Variants in BPIFB3 observed in about 807,000 individuals in gnomAD.
The protein encoded by BPIFB3 is BPI fold containing family B member 3.
Under a neutral mutation model 53.1 loss-of-function variants are expected in BPIFB3, and 49 were observed. The observed-to-expected ratio is 0.92, with a 90% CI of 0.73 to 1.17. The LOEUF (loss-of-function observed/expected upper bound fraction) is 1.17, where lower values mean the gene tolerates loss of function less well. Among genes scored for constraint, BPIFB3 ranks in the 50% most tolerant of loss-of-function variants. The probability of loss-of-function intolerance (pLI) is 0.00; values close to 1 mark genes in which losing one functional copy is unlikely to be tolerated. For missense variants in BPIFB3, 628 were observed against 592.5 expected, an observed-to-expected ratio of 1.06 and a Z score of -0.62; for synonymous variants, 271 against 269.6, an observed-to-expected ratio of 1.01 and a Z score of -0.05.
exon 1 of BPIFB3, chr20:33,055,533 A>T (rs368960556): frequency 2.5e-5 from 41 of 1,613,422 alleles, no homozygotes; most frequent in African/African-American, 8.0e-5. Context: ...ATTGACAAGG[A>T]TGAACTCGGC....
chr20:33,056,979 T>A (rs1388441220), intron 2 of BPIFB3, among the ~76,000 whole-genome samples: 1 of 152,180 alleles, frequency 6.6e-6, no homozygotes, highest in Non-Finnish European at 1.5e-5. Flanking sequence ...GCTATCAGCA[T>A]GGTTCCCTTT....
upstream of BPIFB3, chr20:33,055,390 G>A (rs1980146953): frequency 1.2e-6 from 2 of 1,609,444 alleles, no homozygotes; most frequent in South Asian, 1.1e-5. Context: ...GCAGGAGAAG[G>A]GTCTCAGAGT....
intron 4 of BPIFB3, among the ~76,000 whole-genome samples, chr20:33,061,309 C>T (rs187116187): frequency 1.3e-5 from 2 of 152,106 alleles, no homozygotes; most frequent in African/African-American, 4.8e-5. Context: ...CAGACCTGAG[C>T]CTGTCTACAT....
rs190000970 is a variant in BPIFB3, at chr20:33,070,358, A to C, written c.1217+403A>C. On this transcript the variant is annotated intron_variant, in intron 11 of 14. Transcript: ENST00000375494. ...TACTTGTTACTTCTCTATTCTCCTC[A>C]CCCCTGTGGTAACTAGGCGTCCATC... Among the ~76,000 whole-genome samples the C allele has an allele frequency of 4.7e-4, 72 of 152,214 alleles. No individual in the cohort carries two copies. In the East Asian group the frequency reaches 0.011, roughly 23 times the overall value.
chr20:33,059,371 A>G lies in BPIFB3; in HGVS notation c.282-7A>G. 6.2e-7 allele frequency: 1 copy of G among 1,606,842 alleles called. No individual in the cohort carries two copies. Among genetic ancestry groups the G allele is most frequent in the South Asian group, 1.1e-5 (1 of 89,374 alleles). On this transcript the variant is annotated splice_region_variant and splice_polypyrimidine_tract_variant and intron_variant, in intron 2 of 14. Transcript: ENST00000375494. ...GTGAGCAACCCTCTCCCTGACTCCC[A>G]TCCTAGTCTGAAGATTGAGGAGCTC...
At chr20:33,063,620 C>T (rs1300443214) in exon 6 of BPIFB3, 2 of 1,613,914 alleles carry the variant, frequency 1.2e-6, no homozygotes, top group Non-Finnish European at 8.5e-7. Flanking sequence ...CACAGCTGTG[C>T]CCCGTGGTGG....
chr20:33,059,368 C>G lies in BPIFB3; in HGVS notation c.282-10C>G, dbSNP rs781274841. On this transcript the variant is annotated splice_polypyrimidine_tract_variant and intron_variant, in intron 2 of 14. Coordinates refer to ENST00000375494, the Ensembl canonical transcript of BPIFB3. ...GGAGTGAGCAACCCTCTCCCTGACT[C>G]CCATCCTAGTCTGAAGATTGAGGAG... 1 of 1,604,104 alleles carries G rather than the reference C, an allele frequency of 6.2e-7. No individual in the cohort carries two copies. Among genetic ancestry groups the G allele is most frequent in the African/African-American group, 1.3e-5 (1 of 74,688 alleles).
intron 3 of BPIFB3, 126 bp from the exon 5 acceptor site, chr20:33,059,765 T>C: frequency 2.2e-6 from 3 of 1,365,102 alleles, no homozygotes; most frequent in Non-Finnish European, 3.0e-6. Context: ...AAGTGCAAAA[T>C]GGGGCAGGGA....
exon 8 of BPIFB3, chr20:33,064,791 G>A (rs17124073): frequency 1.9e-6 from 3 of 1,614,036 alleles, no homozygotes; most frequent in African/African-American, 2.7e-5. Context: ...TCAACACCAC[G>A]TTTGGACTCC....
At chr20:33,070,034 G>A (rs555719105) in intron 11 of BPIFB3, 79 bp downstream of exon 12, 27 of 1,513,806 alleles carry the variant, frequency 1.8e-5, no homozygotes, top group African/African-American at 9.6e-5. Context: ...TCCGCCTCCC[G>A]TTTCTTGAGC....
At chr20:33,064,727 A>T in exon 8 of BPIFB3, 1 of 1,614,106 alleles carries the variant, frequency 6.2e-7, no homozygotes, top group Non-Finnish European at 8.5e-7. Context: ...GCCCCAGCCA[A>T]GGTGCCCCCC....
Position 33,056,717 on chromosome 20 carries a change from A to G in BPIFB3, c.281+19A>G. The G allele has an allele frequency of 1.3e-6, 2 of 1,547,248 alleles. No homozygotes were observed. The highest frequency in any genetic ancestry group is 1.7e-6 in the Non-Finnish European group (2 of 1,150,490). ...TCTCTGGGTGAGTCCCACCTGCTGC[A>G]TGCCCTACAGGAAGACTTGGCTTTG... On this transcript the variant is annotated intron_variant, in intron 2 of 14. Transcript: ENST00000375494.
intron 6 of BPIFB3, 30 bp from the exon 8 acceptor site, chr20:33,064,427 G>A: frequency 2.6e-6 from 4 of 1,563,862 alleles, no homozygotes; most frequent in South Asian, 1.1e-5. Flanking sequence ...GGGCTTATAG[G>A]GTCGTTCTCG....
At chr20:33,070,216 G>A (rs1980829167) in intron 11 of BPIFB3, among the ~76,000 whole-genome samples, 3 of 152,248 alleles carry the variant, frequency 2.0e-5, no homozygotes, top group East Asian at 3.9e-4. Flanking sequence ...GCCTCTGAAA[G>A]ATAAACCTGC....
chr20:33,073,539 A>G (rs1198409672), intron 14 of BPIFB3, 37 bp from the exon 16 acceptor site: 1 of 1,613,146 alleles, frequency 6.2e-7, no homozygotes, highest in Non-Finnish European at 8.5e-7. Flanking sequence ...CATTGCAGAG[A>G]CTCAGGGGTG....
rs762446557 is a variant in BPIFB3, at chr20:33,073,560, C to T, written c.1402-16C>T. On this transcript the variant is annotated splice_polypyrimidine_tract_variant and intron_variant, in intron 14 of 14. Transcript: ENST00000375494. ...AGAGACTCAGGGGTGTAACCAAGAGCGGTTGTTCCTTACAGAATGCTGTTG... is the reference window on the plus strand; with the variant it reads ...AGAGACTCAGGGGTGTAACCAAGAGTGGTTGTTCCTTACAGAATGCTGTTG... 47 of 1,613,822 alleles carry T rather than the reference C, an allele frequency of 2.9e-5. No individual in the cohort carries two copies. Among genetic ancestry groups the T allele is most frequent in the Middle Eastern group, 3.3e-4 (2 of 6,060 alleles).
chr20:33,064,486 G>A (rs4911290), exon 7 of BPIFB3: 629,867 of 1,612,590 alleles, frequency 0.39, 128,743 homozygotes, highest in East Asian at 0.8. Context: ...TCTTGGGTCC[G>A]TGGAATTCTC....
exon 10 of BPIFB3, chr20:33,068,811 G>A: frequency 1.9e-6 from 3 of 1,613,596 alleles, no homozygotes; most frequent in African/African-American, 2.7e-5. Flanking sequence ...AGGCCCTGGG[G>A]AAGCTGCCCC....
chr20:33,070,345 C>T (rs1290308825), intron 11 of BPIFB3, among the ~76,000 whole-genome samples: 1 of 152,222 alleles, frequency 6.6e-6, no homozygotes, highest in Non-Finnish European at 1.5e-5. Flanking sequence ...CTTGTTACTT[C>T]TCTATTCTCC....
Sources: gnomAD v4.1 joint callset for allele counts (sites outside exome capture counted in the v4.1 genomes callset) on GRCh38, gnomAD v4.1.1 for gene constraint, MANE v1.5 for transcripts, NCBI Gene and HGNC (gene_info 2026-07-23, HGNC 2026-07-21) for gene names.